Variants in ZBTB20 observed in about 807,000 individuals in gnomAD.
The protein encoded by ZBTB20 is zinc finger and BTB domain-containing protein 20.
A neutral mutation model predicts 56.9 loss-of-function variants in ZBTB20; 9 were observed. The observed-to-expected ratio is 0.16, with a 90% CI of 0.10 to 0.28. The LOEUF (loss-of-function observed/expected upper bound fraction) is 0.28. Among genes scored for constraint, ZBTB20 ranks in the 10% least tolerant of loss-of-function variants. ZBTB20 has a pLI of 1.00. For missense variants in ZBTB20, 655 were observed against 1,003.0 expected (o/e 0.65, Z 4.69); for synonymous variants, 417 against 420.7 (o/e 0.99, Z 0.11).
intron 2 of ZBTB20, among the ~76,000 whole-genome samples, chr3:115,041,373 C>T (rs1207415713): frequency 6.6e-6 from 1 of 152,050 alleles, no homozygotes; most frequent in Non-Finnish European, 1.5e-5. Context: ...AATAATAGTA[C>T]CAAAACCAAA....
intron 7 of ZBTB20, among the ~76,000 whole-genome samples, chr3:114,408,807 A>G (rs1306782480): frequency 2.0e-5 from 3 of 152,082 alleles, no homozygotes; most frequent in African/African-American, 7.2e-5. Flanking sequence ...TTAGTAATAC[A>G]CTAAAAGAAG....
chr3:114,478,057 C>T (rs374276835), intron 7 of ZBTB20, among the ~76,000 whole-genome samples: 18 of 151,284 alleles, frequency 1.2e-4, no homozygotes, highest in African/African-American at 2.4e-4. Context: ...CTTGGCTCAC[C>T]GCAACCCCTG....
chr3:114,676,221 T>A (rs1442115949), intron 6 of ZBTB20, among the ~76,000 whole-genome samples: 16 of 152,244 alleles, frequency 1.1e-4, no homozygotes, highest in Admixed American at 1.0e-3. Flanking sequence ...CGTATTCATT[T>A]GCACACCGTC....
intron 6 of ZBTB20, among the ~76,000 whole-genome samples, chr3:114,546,569 T>C (rs2049910904): frequency 6.6e-6 from 1 of 152,022 alleles, no homozygotes; most frequent in Non-Finnish European, 1.5e-5. Flanking sequence ...TTTTTTTTTT[T>C]TTTTTAATCC....
chr3:114,954,433 G>A (rs1436977195), intron 3 of ZBTB20, among the ~76,000 whole-genome samples: 1 of 152,046 alleles, frequency 6.6e-6, no homozygotes, highest in Non-Finnish European at 1.5e-5. Context: ...CAGGTAATGA[G>A]TCTGAAATAA....
At chr3:114,625,724 T>C (rs1284423334) in intron 6 of ZBTB20, among the ~76,000 whole-genome samples, 1 of 152,106 alleles carries the variant, frequency 6.6e-6, no homozygotes, top group African/African-American at 2.4e-5. Flanking sequence ...AGACCTCCAT[T>C]AGACCTCCAT....
At chr3:114,784,706 A>G (rs981524658) in intron 5 of ZBTB20, among the ~76,000 whole-genome samples, 1 of 152,222 alleles carries the variant, frequency 6.6e-6, no homozygotes, top group African/African-American at 2.4e-5. Flanking sequence ...GGATGAATAA[A>G]CCATACTACA....
intron 6 of ZBTB20, among the ~76,000 whole-genome samples, chr3:114,504,799 C>T (rs1346638105): frequency 6.6e-6 from 1 of 152,098 alleles, no homozygotes; most frequent in Non-Finnish European, 1.5e-5. Flanking sequence ...TCATTTAATC[C>T]CCACTACAAG....
chr3:115,094,610 A>C (rs1276577780), intron 1 of ZBTB20, among the ~76,000 whole-genome samples: 1 of 151,424 alleles, frequency 6.6e-6, no homozygotes, highest in Non-Finnish European at 1.5e-5. Flanking sequence ...TTTTCTCTCA[A>C]TTACATTCCA....
At chr3:114,351,946 C>T (rs2080711793) in intron 10 of ZBTB20, 68 bp from the exon 11 acceptor site, 3 of 1,539,950 alleles carry the variant, frequency 1.9e-6, no homozygotes, top group Non-Finnish European at 2.6e-6. Context: ...TTCCTAACAC[C>T]TAGGTTTCAG....
rs1576367966 is a variant in ZBTB20, at chr3:114,935,941, C to G, written c.-455-35599G>C. ...CTACCAGATCATAATGAGCATCTAT[C>G]CATCCTCAAAATCAGAGAAAGGGGG... On this transcript the variant is annotated intron_variant, in intron 3 of 11. Coordinates refer to ENST00000675478, the MANE Select transcript of ZBTB20 (RefSeq NM_001348800.3). Among the ~76,000 whole-genome samples the G allele has an allele frequency of 2.0e-5, 3 of 152,200 alleles. No individual in the cohort carries two copies. In the South Asian group the frequency reaches 6.2e-4, roughly 32 times the overall value.
At chr3:114,632,553 G>A (rs901834857) in intron 6 of ZBTB20, among the ~76,000 whole-genome samples, 1 of 151,990 alleles carries the variant, frequency 6.6e-6, no homozygotes, top group African/African-American at 2.4e-5. Context: ...AGCCTTCCTG[G>A]GGTCTGCATT....
intron 4 of ZBTB20, among the ~76,000 whole-genome samples, chr3:114,873,608 A>G (rs1313598494): frequency 6.6e-6 from 1 of 152,186 alleles, no homozygotes; most frequent in Non-Finnish European, 1.5e-5. Context: ...AAAGTTTTTT[A>G]ACATATTGAG....
intron 7 of ZBTB20, among the ~76,000 whole-genome samples, chr3:114,464,832 C>CTCTA (rs2092472406): frequency 6.6e-6 from 1 of 152,100 alleles, no homozygotes; most frequent in South Asian, 2.1e-4. Context: ...GTAACACTTG[C>CTCTA]TCTAGGTCCC....
intron 10 of ZBTB20, among the ~76,000 whole-genome samples, chr3:114,364,812 C>T (rs1204161258): frequency 6.6e-6 from 1 of 152,164 alleles, no homozygotes; most frequent in Non-Finnish European, 1.5e-5. Flanking sequence ...CATTTTTCAA[C>T]TACTGTAGCC....
intron 1 of ZBTB20, among the ~76,000 whole-genome samples, chr3:115,087,109 C>T (rs1172370542): frequency 2.0e-5 from 3 of 151,750 alleles, no homozygotes; most frequent in Non-Finnish European, 2.9e-5. Context: ...AATTCTGATT[C>T]GTATTTCTAC....
chr3:114,415,496 A>C (rs565701987), intron 7 of ZBTB20, among the ~76,000 whole-genome samples: 3 of 152,210 alleles, frequency 2.0e-5, no homozygotes, highest in East Asian at 1.9e-4. Flanking sequence ...TCAAATCTAA[A>C]GTTCTGATTT....
rs201429249 is a variant in ZBTB20 at position 114,577,273 on chromosome 3, GA to G, written c.-294-76883del. On this transcript the variant is annotated intron_variant, in intron 6 of 11. Coordinates refer to ENST00000675478, the MANE Select transcript of ZBTB20 (RefSeq NM_001348800.3). Reference sequence around the variant, plus strand: ...GTACCCATATAAATTTAAAAAAAAAGAAAAAAATAGAAAAATGGTGCTGATA... The same window carrying G: ...GTACCCATATAAATTTAAAAAAAAAGAAAAAATAGAAAAATGGTGCTGATA... Among the ~76,000 whole-genome samples the G allele has an allele frequency of 7.8e-3, 1,180 of 151,458 alleles. 68 individuals carry two copies. Among genetic ancestry groups the G allele is most frequent in the Admixed American group, 0.072 (1,094 of 15,246 alleles).
chr3:114,776,955 TA>T (rs1345135896), intron 5 of ZBTB20, among the ~76,000 whole-genome samples: 2 of 152,222 alleles, frequency 1.3e-5, no homozygotes, highest in African/African-American at 4.8e-5. Context: ...AAATCTATAG[TA>T]TTTTCCATTT....
Sources: allele counts gnomAD v4.1 joint callset (sites outside exome capture counted in the v4.1 genomes callset), GRCh38; gene constraint gnomAD v4.1.1; transcripts MANE v1.5; gene names NCBI Gene and HGNC (gene_info 2026-07-23, HGNC 2026-07-21).